The following TICRR variants were observed in gnomAD, a reference collection of about 807,000 sequenced individuals.
The protein encoded by TICRR is treslin.
TICRR carries 132 observed loss-of-function variants against 178.1 expected under a neutral mutation model. The observed-to-expected ratio is 0.74, with a 90% CI of 0.64 to 0.86. The LOEUF is 0.86. TICRR is among the 40% of genes least tolerant of loss of function. The pLI is 0.00. For synonymous variants in TICRR, 991 were observed against 900.7 expected, an observed-to-expected ratio of 1.10 and a Z score of -1.79; for missense variants, 2,587 against 2,334.3, an observed-to-expected ratio of 1.11 and a Z score of -2.23.
At chr15:89,578,337 C>T (rs1962661894) in intron 1 of TICRR, among the ~76,000 whole-genome samples, 1 of 151,970 alleles carries the variant, frequency 6.6e-6, no homozygotes. Flanking sequence ...CTTTCACATG[C>T]GAAGCCCAAA....
Position 89,625,669 on chromosome 15 carries a change from G to C in TICRR, c.5359G>C (p.Ala1787Pro). 1.9e-6 allele frequency: 3 copies of C among 1,613,774 alleles called. No individual in the cohort carries two copies. Among genetic ancestry groups the C allele is most frequent in the Non-Finnish European group, 2.5e-6 (3 of 1,180,032 alleles). Residue 1787 changes from alanine to proline, a missense_variant, in exon 20 of 22, where the codon GCC becomes CCC. By Grantham distance (27) the Ala-to-Pro change is conservative. Transcript: ENST00000268138. Reference sequence around the variant, plus strand: ...GGCCAAGGAAGAAGCTGACCGTGGAGCCAAAAGGATCTGTGACCTGAGAGA... The same window carrying C: ...GGCCAAGGAAGAAGCTGACCGTGGACCCAAAAGGATCTGTGACCTGAGAGA... Reference protein sequence around the residue: ...LLAKEEADRGAKRICDLREDS... With the variant: ...LLAKEEADRGPKRICDLREDS...
intron 7 of TICRR, 130 bp downstream of exon 7, chr15:89,595,741 T>C: frequency 3.0e-6 from 2 of 663,062 alleles, no homozygotes; most frequent in African/African-American, 3.6e-5. Context: ...CAGTAAATAA[T>C]AAGATAATGT....
At chr15:89,586,006 A>T (rs960186663) in intron 4 of TICRR, 64 bp downstream of exon 4, 5 of 1,254,148 alleles carry the variant, frequency 4.0e-6, no homozygotes, top group Non-Finnish European at 5.8e-6. Context: ...AAGCATCGGG[A>T]CTTTTTCACT....
chr15:89,622,642 T>C (rs1199645248), intron 19 of TICRR, among the ~76,000 whole-genome samples: 2 of 152,162 alleles, frequency 1.3e-5, no homozygotes, highest in South Asian at 2.1e-4. Context: ...CCAAGATCAG[T>C]CTCCTCCCCC....
Position 89,584,410 on chromosome 15 carries a change from G to A in TICRR, c.1059G>A (p.Thr353=), listed in dbSNP as rs775935223. ...KGSVAQWSLP[T]SSTLGTDSWM... is the part of the protein sequence containing the mutation. ...CAGTGGCCCAGTGGTCTCTCCCAAC[G>A]AGCAGCACTTTGGGCACTGACAGCT... Residue 353 remains threonine (T), a synonymous_variant, in exon 3 of 22, where the codon ACG becomes ACA. Coordinates refer to ENST00000268138, the MANE Select transcript of TICRR (RefSeq NM_152259.4). 3.7e-6 allele frequency: 6 copies of A among 1,614,114 alleles called. No homozygotes were observed. The highest frequency in any genetic ancestry group is 2.2e-5 in the East Asian group (1 of 44,878).
At chr15:89,592,809 C>T (rs940804200) in intron 5 of TICRR, among the ~76,000 whole-genome samples, 3 of 152,194 alleles carry the variant, frequency 2.0e-5, no homozygotes, top group Admixed American at 6.5e-5. Flanking sequence ...GTATGGTTGA[C>T]GTTTATTTTC....
In TICRR at chr15:89,625,563, TC is replaced by T; in HGVS notation, c.5256del (p.Arg1753GlyfsTer18). The T allele has an allele frequency of 6.2e-7, 1 of 1,613,088 alleles. No homozygotes were observed. Among genetic ancestry groups the T allele is most frequent in the Admixed American group, 1.7e-5 (1 of 60,006 alleles). ...GVCQLPDQSP[P>X]RNSMPKAEEA... ...TGTGCCAGCTCCCAGACCAGTCGCC[TC>T]CCAGGAACAGCATGCCTAAGGCCGA... On this transcript the variant is annotated frameshift_variant, in exon 20 of 22. Coordinates refer to ENST00000268138, the MANE Select transcript of TICRR (RefSeq NM_152259.4). LOFTEE classifies it high-confidence loss of function.
In TICRR at chr15:89,602,871, G is replaced by T; in HGVS notation, c.2643G>T (p.Val881=). 1.3e-6 allele frequency: 2 copies of T among 1,524,278 alleles called. No individual in the cohort carries two copies. Among genetic ancestry groups the T allele is most frequent in the Non-Finnish European group, 1.8e-6 (2 of 1,135,988 alleles). The allele number at this position is 1,524,278 out of a possible 1,614,324, so 94.4% of individuals were successfully genotyped here. ...QNLRQIEIPK[V]SKRATKKENS... ...TTCGACAAATTGAAATTCCTAAAGTGTCAAAGAGAGCTACGAAAAAAGTAA... is the reference window on the plus strand; with the variant it reads ...TTCGACAAATTGAAATTCCTAAAGTTTCAAAGAGAGCTACGAAAAAAGTAA... Residue 881 remains valine (V), a synonymous_variant, in exon 13 of 22, where the codon GTG becomes GTT. Coordinates refer to ENST00000268138, the MANE Select transcript of TICRR (RefSeq NM_152259.4).
At position 89,625,035 on chromosome 15, in the gene TICRR, T is replaced by C. The variant is rs765684913; in HGVS notation, c.4725T>C (p.Ile1575=). Reference sequence around the variant, plus strand: ...CTTCTGGCCTTCCCAAACTTCGAATTAAGAAGATAGACCCCAGCTCTTCAT... The same window carrying C: ...CTTCTGGCCTTCCCAAACTTCGAATCAAGAAGATAGACCCCAGCTCTTCAT... ...MQASGLPKLR[I]KKIDPSSSLE... The change falls in exon 20 of 22, where the codon ATT becomes ATC. Residue 1575 remains isoleucine, a synonymous_variant. Coordinates refer to ENST00000268138, the MANE Select transcript of TICRR (RefSeq NM_152259.4). 6.2e-7 allele frequency: 1 copy of C among 1,613,930 alleles called. No individual in the cohort carries two copies. The highest frequency in any genetic ancestry group is 8.5e-7 in the Non-Finnish European group (1 of 1,179,982).
intron 1 of TICRR, among the ~76,000 whole-genome samples, chr15:89,577,981 C>T (rs749502206): frequency 6.6e-6 from 1 of 151,880 alleles, no homozygotes; most frequent in Non-Finnish European, 1.5e-5. Context: ...AAGAACATTC[C>T]AGGTGAGGAG....
rs1485760382 is a variant in TICRR, at chr15:89,601,303, A to T, written c.2159A>T (p.Gln720Leu). Reference protein sequence around the residue: ...LDKEDKVRECQLQVFLRLEMC... With the variant: ...LDKEDKVRECLLQVFLRLEMC... ...AAGTATTTTTTTCTCTCAAGGTGCC[A>T]GCTTCAGGTATTTCTTCGTTTGGAG... The change falls in exon 10 of 22, where the codon CAG becomes CTG. Residue 720 changes from glutamine to leucine, a missense_variant. Gln to Leu is a moderately radical substitution (Grantham distance 113, BLOSUM62 -2). Transcript: ENST00000268138. 9 of 1,613,928 alleles carry T rather than the reference A, an allele frequency of 5.6e-6. No homozygotes were observed. The African/African-American group carries it at 1.1e-4, about 19-fold the overall frequency.
At chr15:89,592,207 A>T (rs1422565301) in intron 5 of TICRR, 31 bp downstream of exon 5, 4 of 1,576,278 alleles carry the variant, frequency 2.5e-6, no homozygotes, top group Non-Finnish European at 3.5e-6. Context: ...TTGAATATTG[A>T]TTATTAAAAT....
intron 14 of TICRR, among the ~76,000 whole-genome samples, chr15:89,608,600 A>T (rs545470076): frequency 7.2e-5 from 11 of 152,220 alleles, no homozygotes; most frequent in African/African-American, 2.4e-4. Context: ...AACATATAAA[A>T]TTTTTTTTAA....
chr15:89,624,553 G>C lies in TICRR; in HGVS notation c.4243G>C (p.Ala1415Pro). 6.2e-7 allele frequency: 1 copy of C among 1,613,764 alleles called. No individual in the cohort carries two copies. The highest frequency in any genetic ancestry group is 1.1e-5 in the South Asian group (1 of 91,082). Residue 1415 changes from alanine (A) to proline (P), a missense_variant, in exon 20 of 22, where the codon GCT (alanine) becomes CCT (proline). Ala to Pro is a conservative substitution (Grantham distance 27). Transcript: ENST00000268138. ...TGGGGTTGGCACAGCTGACAGCCCAGCTGCCCCCACAGACTCTAGAGATGA... is the reference window on the plus strand; with the variant it reads ...TGGGGTTGGCACAGCTGACAGCCCACCTGCCCCCACAGACTCTAGAGATGA... The part of the protein sequence containing the change: ...TPGVGTADSP[A>P]APTDSRDDQK...
In TICRR at chr15:89,601,885, C is replaced by G; in HGVS notation, c.2476C>G (p.Pro826Ala). 1.2e-6 allele frequency: 2 copies of G among 1,614,120 alleles called. No homozygotes were observed. Among genetic ancestry groups the G allele is most frequent in the Non-Finnish European group, 1.7e-6 (2 of 1,180,018 alleles). ...QENKSPLLSV[P>A]FLSSARRSVS... ...GAACAAATCACCACTTCTTTCTGTG[C>G]CTTTTTTGTCAAGTGCTCGTAGATC... Residue 826 changes from proline to alanine, a missense_variant, in exon 12 of 22, where the codon CCT (proline) becomes GCT (alanine). By Grantham distance (27) the Pro-to-Ala change is conservative. Coordinates refer to ENST00000268138, the MANE Select transcript of TICRR (RefSeq NM_152259.4).
intron 1 of TICRR, among the ~76,000 whole-genome samples, chr15:89,580,910 T>C (rs1394703299): frequency 6.6e-6 from 1 of 152,174 alleles, no homozygotes; most frequent in East Asian, 1.9e-4. Context: ...CACATGCCTG[T>C]ACTCCCAGCT....
In TICRR at chr15:89,624,243, G is replaced by A; in HGVS notation, c.3933G>A (p.Leu1311=). 1 of 1,614,194 alleles carries A rather than the reference G, an allele frequency of 6.2e-7. No individual in the cohort carries two copies. Among genetic ancestry groups the A allele is most frequent in the Non-Finnish European group, 8.5e-7 (1 of 1,180,036 alleles). ...CCCCACCTGTTACGCCAAAGAAACT[G>A]TTTACCTCTCCTTTATGTGATGTCT... ...TSSPPVTPKK[L]FTSPLCDVSK... The change falls in exon 20 of 22, where the codon CTG becomes CTA. Residue 1311 remains leucine (L), a synonymous_variant. Coordinates refer to ENST00000268138, the MANE Select transcript of TICRR (RefSeq NM_152259.4).
At chr15:89,582,650 T>C (rs1962748039) in intron 1 of TICRR, 36 bp from the exon 2 acceptor site, 1 of 1,578,680 alleles carries the variant, frequency 6.3e-7, no homozygotes, top group African/African-American at 1.4e-5. Context: ...ATGCCTAATT[T>C]ATAGTAACCT....
At chr15:89,615,045 G>A (rs1188873859) in intron 15 of TICRR, among the ~76,000 whole-genome samples, 1 of 152,206 alleles carries the variant, frequency 6.6e-6, no homozygotes, top group East Asian at 1.9e-4. Flanking sequence ...GCCTAAGAAT[G>A]TCATCAGAGA....
Sources: gnomAD v4.1 joint callset for allele counts (sites outside exome capture counted in the v4.1 genomes callset) on GRCh38, gnomAD v4.1.1 for gene constraint, MANE v1.5 for transcripts, NCBI Gene and HGNC (gene_info 2026-07-23, HGNC 2026-07-21) for gene names.